Variants in FSTL5 observed in about 807,000 individuals in gnomAD.
FSTL5 encodes the protein follistatin-related protein 5.
FSTL5 carries 62 observed loss-of-function variants against 89.1 expected under a neutral mutation model. That is an observed-to-expected ratio of 0.70 (90% CI 0.57 to 0.86). FSTL5 has a LOEUF of 0.86. FSTL5 is among the 40% of genes least tolerant of loss of function. The pLI, the probability that FSTL5 is intolerant of heterozygous loss-of-function variation, is 0.00. For missense variants in FSTL5, 1,057 were observed against 1,001.6 expected (o/e 1.06, Z -0.75); for synonymous variants, 383 against 346.2 (o/e 1.11, Z -1.18).
At chr4:162,116,667 G>A (rs182180520) in intron 1 of FSTL5, among the ~76,000 whole-genome samples, 1 of 152,270 alleles carries the variant, frequency 6.6e-6, no homozygotes, top group East Asian at 1.9e-4. Context: ...TCTTTTGGTG[G>A]TCTGCTGGTA....
intron 5 of FSTL5, among the ~76,000 whole-genome samples, chr4:161,773,736 G>A (rs1741292587): frequency 2.0e-5 from 3 of 152,112 alleles, no homozygotes; most frequent in South Asian, 2.1e-4. Flanking sequence ...GTACACCGCT[G>A]GTGGGAAACG....
At chr4:161,887,392 CATCTATCTATCTATCT>C (rs60103951) in intron 4 of FSTL5, among the ~76,000 whole-genome samples, 36 of 133,142 alleles carry the variant, frequency 2.7e-4, no homozygotes, top group South Asian at 7.2e-4. Flanking sequence ...CTCTATCTAT[CATCTATCTATCTATCT>C]ATCTATCTAT....
chr4:161,966,989 G>A (rs1369449163), intron 3 of FSTL5, among the ~76,000 whole-genome samples: 1 of 151,258 alleles, frequency 6.6e-6, no homozygotes, highest in Non-Finnish European at 1.5e-5. Context: ...TTTTACGCAA[G>A]ATGGACTTAG....
intron 15 of FSTL5, among the ~76,000 whole-genome samples, chr4:161,443,927 A>T (rs1378172721): frequency 1.3e-5 from 2 of 151,984 alleles, no homozygotes; most frequent in African/African-American, 4.8e-5. Context: ...GCTTCAATGT[A>T]GTTTGGACAT....
intron 6 of FSTL5, among the ~76,000 whole-genome samples, chr4:161,667,203 C>G (rs894407056): frequency 3.9e-5 from 6 of 151,934 alleles, no homozygotes; most frequent in Non-Finnish European, 8.8e-5. Flanking sequence ...CATTTAATTT[C>G]TATCTTTCAA....
intron 15 of FSTL5, among the ~76,000 whole-genome samples, chr4:161,418,228 T>C (rs931088483): frequency 6.6e-6 from 1 of 152,166 alleles, no homozygotes; most frequent in Non-Finnish European, 1.5e-5. Context: ...GGCTGGTTCC[T>C]CCCTTGCACT....
intron 11 of FSTL5, among the ~76,000 whole-genome samples, chr4:161,509,950 G>A (rs1730599462): frequency 6.6e-6 from 1 of 152,118 alleles, no homozygotes; most frequent in South Asian, 2.1e-4. Context: ...ATCGTGCAGG[G>A]TAACTTGCCC....
rs1740389132 is a variant in FSTL5, at chr4:161,751,488, T to C, written c.727+7923A>G. Among the ~76,000 whole-genome samples the C allele has an allele frequency of 3.3e-5, 5 of 152,176 alleles. No homozygotes were observed. The South Asian group carries it at 1.0e-3, about 32-fold the overall frequency. ...CAGGGGATAGCTATGAACTCTAACATAAAATGTTTTATAATCAGCCCTGGC... is the reference window on the plus strand; with the variant it reads ...CAGGGGATAGCTATGAACTCTAACACAAAATGTTTTATAATCAGCCCTGGC... On this transcript the variant is annotated intron_variant, in intron 6 of 15. Transcript: ENST00000306100.
At chr4:161,896,719 G>T (rs1733169137) in intron 4 of FSTL5, among the ~76,000 whole-genome samples, 1 of 151,924 alleles carries the variant, frequency 6.6e-6, no homozygotes, top group Non-Finnish European at 1.5e-5. Context: ...TAATTACATA[G>T]GAAAAAATTA....
At chr4:161,644,152 T>C (rs1276570722) in intron 7 of FSTL5, among the ~76,000 whole-genome samples, 1 of 152,008 alleles carries the variant, frequency 6.6e-6, no homozygotes, top group African/African-American at 2.4e-5. Context: ...TGTTTACTTT[T>C]GAAGGACACA....
At chr4:161,517,569 A>G (rs1730884060) in intron 10 of FSTL5, among the ~76,000 whole-genome samples, 1 of 152,144 alleles carries the variant, frequency 6.6e-6, no homozygotes, top group Non-Finnish European at 1.5e-5. Context: ...TGGATCTCAT[A>G]TTAAATATGC....
intron 3 of FSTL5, among the ~76,000 whole-genome samples, chr4:162,029,906 C>CTTTTT (rs67266989): frequency 6.9e-6 from 1 of 144,136 alleles, no homozygotes; most frequent in African/African-American, 2.5e-5. Flanking sequence ...AAATTATTTC[C>CTTTTT]TTTTTTTTTT....
At position 161,481,288 on chromosome 4, in the gene FSTL5, T is replaced by C. The variant is rs1313580232; in HGVS notation, c.1459-119A>G. The C allele has an allele frequency of 1.6e-5, 9 of 565,350 alleles. No homozygotes were observed. In the South Asian group the frequency reaches 4.0e-4, roughly 25 times the overall value. 35.0% of individuals were successfully genotyped at this position (565,350 alleles called of 1,614,324 possible). A position where few individuals can be genotyped will look rare whatever the true frequency, so the allele number is the denominator to read the frequency against. Reference sequence around the variant, plus strand: ...TACTTTCAGCATCAAATGTTAAATATATATATATAAAGTTTAATTAATAGA... The same window carrying C: ...TACTTTCAGCATCAAATGTTAAATACATATATATAAAGTTTAATTAATAGA... On this transcript the variant is annotated intron_variant, in intron 12 of 15. Coordinates refer to ENST00000306100, the MANE Select transcript of FSTL5 (RefSeq NM_020116.5).
chr4:161,514,614 G>C (rs1300748303), intron 10 of FSTL5, among the ~76,000 whole-genome samples: 1 of 151,952 alleles, frequency 6.6e-6, no homozygotes, highest in African/African-American at 2.4e-5. Context: ...CTATAAAAGT[G>C]AAATTTTTTA....
chr4:161,834,849 A>G (rs574217027), intron 4 of FSTL5, among the ~76,000 whole-genome samples: 217 of 152,184 alleles, frequency 1.4e-3, no homozygotes, highest in African/African-American at 4.8e-3. Flanking sequence ...GGTAGGAAGA[A>G]TCAATATCAT....
chr4:161,708,364 T>G (rs561533027), intron 6 of FSTL5, among the ~76,000 whole-genome samples: 133 of 152,160 alleles, frequency 8.7e-4, no homozygotes, highest in African/African-American at 3.1e-3. Context: ...ACACTCAATA[T>G]TTTCTAAAAT....
At chr4:161,985,672 T>C in intron 3 of FSTL5, among the ~76,000 whole-genome samples, 1 of 151,934 alleles carries the variant, frequency 6.6e-6, no homozygotes, top group East Asian at 1.9e-4. Context: ...ATACTTTAAA[T>C]ATCCATATAC....
intron 11 of FSTL5, among the ~76,000 whole-genome samples, chr4:161,508,887 C>T (rs1333372554): frequency 1.3e-5 from 2 of 152,080 alleles, no homozygotes; most frequent in East Asian, 3.9e-4. Flanking sequence ...AGCAATTAAC[C>T]GTCAAAGCCA....
intron 3 of FSTL5, among the ~76,000 whole-genome samples, chr4:161,949,399 T>G (rs1272764377): frequency 6.6e-6 from 1 of 152,166 alleles, no homozygotes; most frequent in East Asian, 1.9e-4. Flanking sequence ...AAAAATCTTC[T>G]CTTTATCTTT....
Sources: allele counts gnomAD v4.1 joint callset (sites outside exome capture counted in the v4.1 genomes callset), GRCh38; gene constraint gnomAD v4.1.1; transcripts MANE v1.5; gene names NCBI Gene and HGNC (gene_info 2026-07-23, HGNC 2026-07-21).